The following SPECC1L variants were observed in gnomAD, a reference collection of about 807,000 sequenced individuals.
The protein encoded by SPECC1L is cytospin-A.
Under a neutral mutation model 116.8 loss-of-function variants are expected in SPECC1L, and 40 were observed. The observed-to-expected ratio is 0.34, with a 90% CI of 0.27 to 0.45. The LOEUF is 0.45. Among genes scored for constraint, SPECC1L ranks in the 20% least tolerant of loss-of-function variants. The probability of loss-of-function intolerance (pLI) is 1.00; values close to 1 mark genes in which losing one functional copy is unlikely to be tolerated. For missense variants in SPECC1L, 1,110 were observed against 1,373.6 expected (o/e 0.81, Z 3.03); for synonymous variants, 504 against 500.6 (o/e 1.01, Z -0.09).
At chr22:24,354,110 T>G (rs985249073) in intron 11 of SPECC1L, among the ~76,000 whole-genome samples, 1 of 152,046 alleles carries the variant, frequency 6.6e-6, no homozygotes, top group South Asian at 2.1e-4. Context: ...CCACACACTT[T>G]TAAACAACCA....
At chr22:24,305,972 A>T (rs1409512402) in intron 3 of SPECC1L, among the ~76,000 whole-genome samples, 2 of 149,652 alleles carry the variant, frequency 1.3e-5, no homozygotes, top group East Asian at 3.9e-4. Flanking sequence ...CCCAGGCTGG[A>T]GTGCAATGGC....
chr22:24,412,531 G>A, intron 15 of SPECC1L, 117 bp from the exon 16 acceptor site: 2 of 921,002 alleles, frequency 2.2e-6, no homozygotes, highest in Non-Finnish European at 3.5e-6. Context: ...GTTTGTTGTG[G>A]CACCAGGTAG....
intron 15 of SPECC1L, chr22:24,412,023 A>G: frequency 2.3e-6 from 1 of 434,294 alleles, no homozygotes; most frequent in South Asian, 2.0e-5. Flanking sequence ...AGGCAGGAGT[A>G]GTCAGGCAGT....
chr22:24,365,929 A>C (rs1256398248), intron 13 of SPECC1L, among the ~76,000 whole-genome samples: 1 of 150,602 alleles, frequency 6.6e-6, no homozygotes, highest in Non-Finnish European at 1.5e-5. Flanking sequence ...GTGGAGTGTT[A>C]GGGAAGGCAT....
At chr22:24,300,948 C>T (rs1374191911) in intron 2 of SPECC1L, among the ~76,000 whole-genome samples, 2 of 152,160 alleles carry the variant, frequency 1.3e-5, no homozygotes, top group African/African-American at 2.4e-5. Flanking sequence ...CTTCCTTACA[C>T]CTTATAAAAA....
chr22:24,399,125 A>G (rs1388242367), intron 14 of SPECC1L, among the ~76,000 whole-genome samples: 1 of 152,184 alleles, frequency 6.6e-6, no homozygotes, highest in Non-Finnish European at 1.5e-5. Flanking sequence ...GAGTTATCAG[A>G]AAGCAGACAT....
chr22:24,370,482 A>G (rs746198855), intron 14 of SPECC1L, among the ~76,000 whole-genome samples: 1 of 152,264 alleles, frequency 6.6e-6, no homozygotes, highest in Non-Finnish European at 1.5e-5. Flanking sequence ...GAGGGGACCT[A>G]TAAAATGTTG....
At chr22:24,326,549 G>A (rs1031454023) in intron 6 of SPECC1L, among the ~76,000 whole-genome samples, 9 of 152,200 alleles carry the variant, frequency 5.9e-5, no homozygotes, top group Non-Finnish European at 1.0e-4. Flanking sequence ...AGTACCTTAT[G>A]TGTGAGACAG....
intron 3 of SPECC1L, among the ~76,000 whole-genome samples, chr22:24,306,558 T>G (rs2049502203): frequency 6.6e-6 from 1 of 151,806 alleles, no homozygotes; most frequent in South Asian, 2.1e-4. Context: ...CAAAACAAAA[T>G]TTTTTTTAGA....
intron 11 of SPECC1L, among the ~76,000 whole-genome samples, chr22:24,356,823 A>G (rs1472346341): frequency 2.6e-5 from 4 of 152,000 alleles, no homozygotes; most frequent in East Asian, 1.9e-4. Context: ...TATCCATTAA[A>G]TTCTTTCAGT....
At chr22:24,332,916 T>C (rs368909452) in intron 8 of SPECC1L, among the ~76,000 whole-genome samples, 2 of 152,248 alleles carry the variant, frequency 1.3e-5, no homozygotes, top group African/African-American at 4.8e-5. Flanking sequence ...TGATAGTCAC[T>C]GTTATAGATT....
chr22:24,353,912 G>T (rs2041475332), intron 11 of SPECC1L, among the ~76,000 whole-genome samples: 1 of 152,150 alleles, frequency 6.6e-6, no homozygotes, highest in Admixed American at 6.5e-5. Flanking sequence ...AATACATTAG[G>T]CTGGGTAATT....
At chr22:24,375,491 T>C (rs1396224407) in intron 14 of SPECC1L, among the ~76,000 whole-genome samples, 3 of 152,096 alleles carry the variant, frequency 2.0e-5, no homozygotes, top group African/African-American at 4.8e-5. Flanking sequence ...GTTCAACATA[T>C]GAAAATGAAT....
At chr22:24,348,050 T>C (rs2041338127) in intron 11 of SPECC1L, among the ~76,000 whole-genome samples, 1 of 152,090 alleles carries the variant, frequency 6.6e-6, no homozygotes, top group Non-Finnish European at 1.5e-5. Context: ...AGGCTCCTTC[T>C]CTTACCCCAC....
intron 3 of SPECC1L, among the ~76,000 whole-genome samples, chr22:24,305,692 G>A (rs79282110): frequency 0.027 from 4,123 of 152,246 alleles, 62 homozygotes; most frequent in Middle Eastern, 0.044. Flanking sequence ...TCTAGAATGA[G>A]GAGTGAAATT....
chr22:24,392,824 T>A (rs1205548097), intron 14 of SPECC1L, among the ~76,000 whole-genome samples: 1 of 152,220 alleles, frequency 6.6e-6, no homozygotes. Context: ...TCCGCTCTAC[T>A]CAGCTCAGTG....
Position 24,316,943 on chromosome 22 carries a change from TG to T in SPECC1L, c.307+3479del, listed in dbSNP as rs1348766732. Among the ~76,000 whole-genome samples, 50 of 113,766 alleles carry T rather than the reference TG, an allele frequency of 4.4e-4. 8 individuals are homozygous for T. The highest frequency in any genetic ancestry group is 1.6e-3 in the African/African-American group (49 of 31,270). The allele number at this position is 113,766 out of a possible 152,430, so 74.6% of individuals were successfully genotyped here. On this transcript the variant is annotated intron_variant, in intron 4 of 16. Transcript: ENST00000314328. The stretch of plus-strand genomic sequence containing the variant: ...CAACCTCCCTCCCAGACGGGGCGGC[TG>T]GCCGGGCCGAGGAGCTCCTCACTTC...
chr22:24,362,046 G>T (rs1414507237), intron 11 of SPECC1L, among the ~76,000 whole-genome samples: 1 of 152,156 alleles, frequency 6.6e-6, no homozygotes, highest in African/African-American at 2.4e-5. Flanking sequence ...GACATTCTTG[G>T]CTGAGAGTCT....
intron 1 of SPECC1L, among the ~76,000 whole-genome samples, chr22:24,275,098 A>C (rs1297623979): frequency 1.3e-5 from 2 of 152,242 alleles, no homozygotes; most frequent in African/African-American, 4.8e-5. Flanking sequence ...AGGCTTCCCT[A>C]GTCCTCCTGC....
Sources: gnomAD v4.1 joint callset for allele counts (sites outside exome capture counted in the v4.1 genomes callset) on GRCh38, gnomAD v4.1.1 for gene constraint, MANE v1.5 for transcripts, NCBI Gene and HGNC (gene_info 2026-07-23, HGNC 2026-07-21) for gene names.